Variants in AKAP13 observed in about 807,000 individuals in gnomAD.
The protein encoded by AKAP13 is A-kinase anchor protein 13.
A neutral mutation model predicts 264.5 loss-of-function variants in AKAP13; 80 were observed. The observed-to-expected ratio is 0.30, with a 90% confidence interval of 0.25 to 0.36. AKAP13 has a LOEUF of 0.36. Ranked by LOEUF, AKAP13 falls within the 10% of genes least tolerant of loss-of-function variation. The probability of loss-of-function intolerance (pLI) is 1.00; values close to 1 mark genes in which losing one functional copy is unlikely to be tolerated. For synonymous variants in AKAP13, 1,380 were observed against 1,250.2 expected, an observed-to-expected ratio of 1.10 and a Z score of -2.19; for missense variants, 3,712 against 3,435.2, an observed-to-expected ratio of 1.08 and a Z score of -2.01.
At position 85,717,990 on chromosome 15, in the gene AKAP13, T is replaced by C. The variant is rs1437560126; in HGVS notation, c.5849-17T>C. On this transcript the variant is annotated splice_polypyrimidine_tract_variant and intron_variant, in intron 21 of 36. Transcript: ENST00000394518. The stretch of plus-strand genomic sequence containing the variant: ...GTCACAAACCTGATTCTGATATTGA[T>C]TTTTTGATATATTGAGGAGTAGGTA... The C allele has an allele frequency of 6.2e-7, 1 of 1,607,900 alleles. No individual in the cohort carries two copies. Among genetic ancestry groups the C allele is most frequent in the Non-Finnish European group, 8.5e-7 (1 of 1,175,982 alleles).
intron 9 of AKAP13, among the ~76,000 whole-genome samples, chr15:85,641,466 A>G (rs1442015546): frequency 1.7e-5 from 1 of 59,858 alleles, no homozygotes; most frequent in African/African-American, 4.7e-5. Context: ...ATAAATAAAT[A>G]AATAAATAAA....
At chr15:85,600,350 A>G (rs1415465998) in intron 8 of AKAP13, among the ~76,000 whole-genome samples, 1 of 150,838 alleles carries the variant, frequency 6.6e-6, no homozygotes, top group Non-Finnish European at 1.5e-5. Flanking sequence ...CTAGCTTACT[A>G]TTCTTCCTCT....
intron 8 of AKAP13, among the ~76,000 whole-genome samples, chr15:85,622,227 TGTAGGGAATAATGGGCA>T (rs1161942633): frequency 2.0e-5 from 3 of 152,180 alleles, no homozygotes; most frequent in Non-Finnish European, 2.9e-5. Context: ...TAGGGTGCTG[TGTAGGGAATAATGGGCA>T]GAACTATTTC....
chr15:85,613,691 A>AAAAAATATATATATATATATATAT (rs1313187436), intron 8 of AKAP13, among the ~76,000 whole-genome samples: 18 of 91,950 alleles, frequency 2.0e-4, no homozygotes, highest in African/African-American at 8.2e-4. Context: ...AAAAAAAAAA[A>AAAAAATATATATATATATATATAT]ATATATATAT....
intron 2 of AKAP13, among the ~76,000 whole-genome samples, chr15:85,508,231 C>T (rs1596367574): frequency 6.6e-6 from 1 of 151,682 alleles, no homozygotes; most frequent in South Asian, 2.1e-4. Context: ...GCAGCCTCGA[C>T]TTCCTGGGCT....
At chr15:85,445,119 G>C (rs2073854196) in intron 1 of AKAP13, among the ~76,000 whole-genome samples, 1 of 152,004 alleles carries the variant, frequency 6.6e-6, no homozygotes, top group Non-Finnish European at 1.5e-5. Flanking sequence ...GAAACTATCT[G>C]ATCAAAAAAA....
At chr15:85,399,516 A>T (rs1567038576) in intron 1 of AKAP13, among the ~76,000 whole-genome samples, 18 of 135,306 alleles carry the variant, frequency 1.3e-4, no homozygotes, top group South Asian at 8.8e-4. Context: ...AAAAAAAAAA[A>T]AAAAAATAAA....
In AKAP13 at chr15:85,655,576, T is replaced by C. The variant is rs1354477619; in HGVS notation, c.4534T>C (p.Tyr1512His). 1.9e-6 allele frequency: 3 copies of C among 1,614,188 alleles called. No homozygotes were observed. Among genetic ancestry groups the C allele is most frequent in the East Asian group, 2.2e-5 (1 of 44,884 alleles). Residue 1512 changes from tyrosine to histidine, a missense_variant, in exon 11 of 37, where the codon TAC becomes CAC. Physicochemically the swap from Tyr to His is moderately conservative, Grantham distance 83 (BLOSUM62 2). Around this residue, in one of 3 missense-constraint regions of AKAP13, gnomAD observed 2,759 missense variants for 2,411.7 expected, o/e 1.14. Coordinates refer to ENST00000394518, the MANE Select transcript of AKAP13 (RefSeq NM_007200.5). ...AGATCGGCAAAGCCTTGATGGATTC[T>C]ACAGCCATGGGATGGGAGCTGAGGG... ...SRDRQSLDGF[Y>H]SHGMGAEGRE...
chr15:85,423,847 G>A (rs575833959), intron 1 of AKAP13, among the ~76,000 whole-genome samples: 29 of 152,342 alleles, frequency 1.9e-4, no homozygotes, highest in African/African-American at 6.5e-4. Context: ...TCAGTGGGCT[G>A]AAGAAAGCAA....
chr15:85,509,714 A>G (rs764668418), intron 2 of AKAP13, among the ~76,000 whole-genome samples: 26 of 152,202 alleles, frequency 1.7e-4, no homozygotes, highest in Non-Finnish European at 2.2e-4. Context: ...CGATGTAAGG[A>G]AGGCCAAGGG....
intron 1 of AKAP13, among the ~76,000 whole-genome samples, chr15:85,438,553 C>T (rs1486001700): frequency 2.0e-5 from 3 of 146,500 alleles, no homozygotes; most frequent in Non-Finnish European, 3.0e-5. Flanking sequence ...CATCACACTA[C>T]CTGACTTCAA....
At chr15:85,406,641 C>T (rs146935572) in intron 1 of AKAP13, among the ~76,000 whole-genome samples, 4 of 151,364 alleles carry the variant, frequency 2.6e-5, no homozygotes, top group African/African-American at 4.9e-5. Context: ...ACTGACCTTT[C>T]CAGTCTGAAT....
chr15:85,485,623 A>G (rs1022758824), intron 1 of AKAP13, 87 bp from the exon 2 acceptor site: 14 of 1,148,070 alleles, frequency 1.2e-5, no homozygotes, highest in African/African-American at 1.5e-5. Context: ...TCACAGAGCT[A>G]TGCTTGACAC....
rs939808497 is a variant in AKAP13 at position 85,736,004 on chromosome 15, A to G, written c.7513-86A>G. 5 of 1,088,628 alleles carry G rather than the reference A, an allele frequency of 4.6e-6. No individual in the cohort carries two copies. In the African/African-American group the frequency reaches 6.3e-5, roughly 14 times the overall value. The allele number at this position is 1,088,628 out of a possible 1,614,324, so 67.4% of individuals were successfully genotyped here. On this transcript the variant is annotated intron_variant, in intron 32 of 36. Coordinates refer to ENST00000394518, the MANE Select transcript of AKAP13 (RefSeq NM_007200.5). ...TGAGAGGCTGTGGTAGAAAATGGAAAGCTACAGCCTAACACAGAAACACAC... is the reference window on the plus strand; with the variant it reads ...TGAGAGGCTGTGGTAGAAAATGGAAGGCTACAGCCTAACACAGAAACACAC...
intron 17 of AKAP13, among the ~76,000 whole-genome samples, chr15:85,696,584 C>G (rs2085578079): frequency 6.6e-6 from 1 of 152,088 alleles, no homozygotes; most frequent in South Asian, 2.1e-4. Context: ...GAGCACTGAT[C>G]TCAGAAAAAC....
intron 1 of AKAP13, among the ~76,000 whole-genome samples, chr15:85,383,251 T>C (rs935053847): frequency 2.6e-5 from 4 of 152,056 alleles, no homozygotes; most frequent in South Asian, 2.1e-4. Flanking sequence ...CATTGTGAAA[T>C]TGGAAAAAAA....
chr15:85,623,546 C>T (rs538471501), intron 8 of AKAP13, among the ~76,000 whole-genome samples: 5 of 152,320 alleles, frequency 3.3e-5, no homozygotes, highest in South Asian at 4.1e-4. Flanking sequence ...CATAGTTTCA[C>T]GGTAGCTTTT....
At position 85,718,925 on chromosome 15, in the gene AKAP13, C is replaced by T. The variant is rs1007122335; in HGVS notation, c.6002-151C>T. The T allele has an allele frequency of 1.1e-4, 124 of 1,101,694 alleles. 1 individual carries two copies. The South Asian group carries it at 1.8e-3, about 16-fold the overall frequency. The allele number at this position is 1,101,694 out of a possible 1,614,324, so 68.2% of individuals were successfully genotyped here. On this transcript the variant is annotated intron_variant, in intron 22 of 36. Transcript: ENST00000394518. The surrounding 1 kb of genome is among the most constrained non-coding windows in gnomAD (Gnocchi z 4.9). Reference sequence around the variant, plus strand: ...AAAAAAAAACAAAAAAACAAAAAAACGAGAACACTTTTAGGGGAAAGATAG... The same window carrying T: ...AAAAAAAAACAAAAAAACAAAAAAATGAGAACACTTTTAGGGGAAAGATAG...
At chr15:85,555,437 G>A in intron 5 of AKAP13, 1 of 1,289,068 alleles carries the variant, frequency 7.8e-7, no homozygotes, top group Non-Finnish European at 1.0e-6. Flanking sequence ...GTAGTATGAA[G>A]CCAAAACTAA....
Sources: gnomAD v4.1 joint callset for allele counts (sites outside exome capture counted in the v4.1 genomes callset) on GRCh38, gnomAD v4.1.1 for gene constraint, gnomAD v4.1.1 regional missense constraint, Gnocchi (gnomAD v3.1) non-coding constraint, MANE v1.5 for transcripts, NCBI Gene and HGNC (gene_info 2026-07-23, HGNC 2026-07-21) for gene names.